ZBTB43: variants seen among roughly 807,000 people sequenced by gnomAD.
ZBTB43 encodes zinc finger and BTB domain containing 43.
ZBTB43 carries 6 observed loss-of-function variants against 31.1 expected under a neutral mutation model. The observed-to-expected ratio is 0.19, with a 90% CI of 0.11 to 0.38. ZBTB43 has a LOEUF of 0.38. Ranked by LOEUF, ZBTB43 falls within the 10% of genes least tolerant of loss-of-function variation. The pLI is 1.00. For synonymous variants in ZBTB43, 212 were observed against 221.7 expected (o/e 0.96, Z 0.39); for missense variants, 379 against 602.1 (o/e 0.63, Z 3.88).
chr9:126,819,797 C>A (rs1482463750), intron 2 of ZBTB43, among the ~76,000 whole-genome samples: 1 of 152,144 alleles, frequency 6.6e-6, no homozygotes, highest in Non-Finnish European at 1.5e-5. Flanking sequence ...TCTAAACAGC[C>A]AAATTGTGAA....
At chr9:126,820,864 A>T (rs1222978663) in intron 2 of ZBTB43, among the ~76,000 whole-genome samples, 1 of 148,478 alleles carries the variant, frequency 6.7e-6, no homozygotes, top group East Asian at 2.1e-4. Flanking sequence ...CCTACCCAGG[A>T]TGCAGAGGTG....
Position 126,832,687 on chromosome 9 carries a change from G to T in ZBTB43, c.178G>T (p.Asp60Tyr). The change falls in exon 3 of 3, where the codon GAC becomes TAC. Residue 60 changes from aspartate to tyrosine, a missense_variant. Asp to Tyr is a radical substitution (Grantham distance 160). Transcript: ENST00000373464. ...TGCTGCCAGTTCACCCTACTTTTGT[G>T]ACCAGGTACTCCTGAAAAACAGCAG... Reference protein sequence around the residue: ...VLAASSPYFCDQVLLKNSRRI... With the variant: ...VLAASSPYFCYQVLLKNSRRI... 4 of 1,614,138 alleles carry T rather than the reference G, an allele frequency of 2.5e-6. No homozygotes were observed. Among genetic ancestry groups the T allele is most frequent in the Non-Finnish European group, 3.4e-6 (4 of 1,180,046 alleles).
In ZBTB43 at chr9:126,833,511, A is replaced by C. The variant is rs767799626; in HGVS notation, c.1002A>C (p.Leu334=). The change falls in exon 3 of 3, where the codon CTA becomes CTC. Residue 334 remains leucine, a synonymous_variant. Transcript: ENST00000373464. The surrounding 1 kb of genome is among the most constrained non-coding windows in gnomAD (Gnocchi z 7.9). ...CCGGAGAGAGGTCAGATGGGAATCT[A>C]ATTGGGCACAGACAGGAGGCTGCCC... ...EFSGERSDGN[L]IGHRQEAALA... 13 of 1,614,054 alleles carry C rather than the reference A, an allele frequency of 8.1e-6. No homozygotes were observed. In the African/African-American group the frequency reaches 1.7e-4, roughly 22 times the overall value.
chr9:126,822,471 G>A (rs879575934), intron 2 of ZBTB43, among the ~76,000 whole-genome samples: 10 of 152,094 alleles, frequency 6.6e-5, no homozygotes, highest in Non-Finnish European at 1.3e-4. Context: ...GGCCAGGCAC[G>A]GTGGCTCATG....
Position 126,837,415 on chromosome 9 carries a change from T to A in ZBTB43, c.*3502T>A, listed in dbSNP as rs1333271304. ...CTGGCTTCTAACCACCGGGGAAAGC[T>A]GCTTAGCCTCCAGGGCTCCCTCCTT... is the stretch of plus-strand genomic sequence containing the variant. On this transcript the variant is annotated 3_prime_UTR_variant, in exon 3 of 3. Transcript: ENST00000373464. The A allele has an allele frequency of 1.2e-5, 2 of 167,158 alleles. No homozygotes were observed. The highest frequency in any genetic ancestry group is 2.9e-5 in the Non-Finnish European group (2 of 68,172). 10.4% of individuals were successfully genotyped at this position (167,158 alleles called of 1,614,324 possible). A position where few individuals can be genotyped will look rare whatever the true frequency, so the allele number is the denominator to read the frequency against.
At chr9:126,823,394 A>G (rs1396747978) in intron 2 of ZBTB43, among the ~76,000 whole-genome samples, 1 of 152,180 alleles carries the variant, frequency 6.6e-6, no homozygotes, top group Non-Finnish European at 1.5e-5. Flanking sequence ...TTGACTTAAA[A>G]TCGATCATTT....
chr9:126,810,125 G>T (rs548399114), intron 2 of ZBTB43, among the ~76,000 whole-genome samples: 1 of 151,878 alleles, frequency 6.6e-6, no homozygotes, highest in African/African-American at 2.4e-5. Flanking sequence ...GTGAGCCACC[G>T]CGCCCGGCCC....
rs111493989 is a variant in ZBTB43, at chr9:126,814,878, C to CTT, written c.-24+5965_-24+5966dup. 9.5e-3 allele frequency among the ~76,000 whole-genome samples: 1,439 copies of CTT among 151,890 alleles called. 24 individuals carry two copies. Among genetic ancestry groups the CTT allele is most frequent in the African/African-American group, 0.033 (1,380 of 41,294 alleles). On this transcript the variant is annotated intron_variant, in intron 2 of 2. Coordinates refer to ENST00000373464, the MANE Select transcript of ZBTB43 (RefSeq NM_014007.4). ...GGTATAGAATTCTAAGTTGACAGGC[C>CTT]TTTCCGCCCCCTCCCCCACCTTCAT...
intron 2 of ZBTB43, among the ~76,000 whole-genome samples, chr9:126,816,156 G>C (rs2032380294): frequency 6.6e-6 from 1 of 152,066 alleles, no homozygotes; most frequent in Non-Finnish European, 1.5e-5. Flanking sequence ...TTTCTCTCAA[G>C]GACATTAACG....
chr9:126,806,081 C>T (rs973339778), intron 1 of ZBTB43, among the ~76,000 whole-genome samples: 11 of 152,246 alleles, frequency 7.2e-5, no homozygotes, highest in South Asian at 2.1e-4. Flanking sequence ...CTCCTTTTCT[C>T]GCCTGTGGTT....
intron 2 of ZBTB43, among the ~76,000 whole-genome samples, chr9:126,815,426 A>G (rs1347129565): frequency 6.7e-6 from 1 of 149,934 alleles, no homozygotes; most frequent in African/African-American, 2.4e-5. Context: ...CTTCCCCACA[A>G]CAATCATGTC....
chr9:126,819,042 A>G (rs1396058714), intron 2 of ZBTB43, among the ~76,000 whole-genome samples: 1 of 152,128 alleles, frequency 6.6e-6, no homozygotes. Context: ...CTTTAAGGGT[A>G]TTGTTTAATT....
intron 2 of ZBTB43, among the ~76,000 whole-genome samples, chr9:126,819,214 G>A (rs1047964443): frequency 6.7e-6 from 1 of 150,034 alleles, no homozygotes; most frequent in African/African-American, 2.5e-5. Flanking sequence ...AGAATGTACT[G>A]TGTGCACTTG....
intron 2 of ZBTB43, among the ~76,000 whole-genome samples, chr9:126,823,975 T>C (rs1263242536): frequency 6.6e-6 from 1 of 152,210 alleles, no homozygotes; most frequent in African/African-American, 2.4e-5. Context: ...ATGCATTCAT[T>C]AGCCTTTTAA....
chr9:126,834,699 T>C lies in ZBTB43; in HGVS notation c.*786T>C, dbSNP rs2032843611. 6.0e-6 allele frequency: 1 copy of C among 167,090 alleles called. No individual in the cohort carries two copies. Among genetic ancestry groups the C allele is most frequent in the African/African-American group, 2.4e-5 (1 of 41,474 alleles). The allele number at this position is 167,090 out of a possible 1,614,324, so 10.4% of individuals were successfully genotyped here. A position where few individuals can be genotyped will look rare whatever the true frequency, so the allele number is the denominator to read the frequency against. ...GATAGGTATTTCTCATTGGTTTGCT[T>C]TCCCAAATCCTGTTTGGTTAATTGT... On this transcript the variant is annotated 3_prime_UTR_variant, in exon 3 of 3. Coordinates refer to ENST00000373464, the MANE Select transcript of ZBTB43 (RefSeq NM_014007.4).
chr9:126,821,142 G>GC (rs2032500223), intron 2 of ZBTB43, among the ~76,000 whole-genome samples: 1 of 152,056 alleles, frequency 6.6e-6, no homozygotes, highest in Admixed American at 6.6e-5. Flanking sequence ...GCCAAGGTGG[G>GC]TGAATCGCTT....
Position 126,833,332 on chromosome 9 carries a change from A to C in ZBTB43, c.823A>C (p.Thr275Pro), listed in dbSNP as rs781610126. 1.1e-5 allele frequency: 18 copies of C among 1,612,860 alleles called. No homozygotes were observed. Among genetic ancestry groups the C allele is most frequent in the Middle Eastern group, 3.3e-4 (2 of 6,082 alleles). The change falls in exon 3 of 3, where the codon ACC (threonine) becomes CCC (proline). Residue 275 changes from threonine (T) to proline (P), a missense_variant. Coordinates refer to ENST00000373464, the MANE Select transcript of ZBTB43 (RefSeq NM_014007.4). This position sits in a 1 kb window ranked among gnomAD's most constrained non-coding sequence, Gnocchi z 7.9. ...GCACCAGGTCACAGAGTCCATCAAC[A>C]CCGTGCAGACAGAGCACACGGTGCA... Reference protein sequence around the residue: ...DEHQVTESINTVQTEHTVQPS... With the variant: ...DEHQVTESINPVQTEHTVQPS...
At chr9:126,816,137 C>A (rs2032379917) in intron 2 of ZBTB43, among the ~76,000 whole-genome samples, 1 of 152,098 alleles carries the variant, frequency 6.6e-6, no homozygotes, top group Non-Finnish European at 1.5e-5. Context: ...ATTTCACGTT[C>A]TCTGGTTCTT....
chr9:126,826,292 A>C (rs1319190087), intron 2 of ZBTB43, among the ~76,000 whole-genome samples: 1 of 146,632 alleles, frequency 6.8e-6, no homozygotes, highest in Non-Finnish European at 1.5e-5. Flanking sequence ...GATTACAGGC[A>C]TGAGCCACCA....
Sources: allele counts gnomAD v4.1 joint callset (sites outside exome capture counted in the v4.1 genomes callset), GRCh38; gene constraint gnomAD v4.1.1; non-coding constraint Gnocchi (gnomAD v3.1); transcripts MANE v1.5; gene names NCBI Gene and HGNC (gene_info 2026-07-23, HGNC 2026-07-21).